The following ARHGAP44 variants were observed in gnomAD, a reference collection of about 807,000 sequenced individuals.
The protein encoded by ARHGAP44 is Rho GTPase activating protein 44.
ARHGAP44 carries 43 observed loss-of-function variants against 106.8 expected under a neutral mutation model. That is an observed-to-expected ratio of 0.40 (90% confidence interval 0.32 to 0.52). ARHGAP44 has a LOEUF of 0.52. ARHGAP44 is among the 20% of genes least tolerant of loss of function. ARHGAP44 has a pLI of 0.48. For synonymous variants in ARHGAP44, 439 were observed against 410.3 expected (o/e 1.07, Z -0.85); for missense variants, 866 against 1,050.5 (o/e 0.82, Z 2.43).
At chr17:12,899,031 C>T (rs988186256) in intron 3 of ARHGAP44, among the ~76,000 whole-genome samples, 10 of 151,938 alleles carry the variant, frequency 6.6e-5, no homozygotes, top group Non-Finnish European at 1.3e-4. Context: ...AGTGCAGTGG[C>T]GCAATCTCGG....
intron 1 of ARHGAP44, among the ~76,000 whole-genome samples, chr17:12,814,868 G>C (rs1337966892): frequency 6.6e-6 from 1 of 151,816 alleles, no homozygotes; most frequent in African/African-American, 2.4e-5. Flanking sequence ...CCCCAAAAAA[G>C]CAAAAACCCT....
intron 1 of ARHGAP44, among the ~76,000 whole-genome samples, chr17:12,824,850 T>C (rs2034873879): frequency 6.6e-6 from 1 of 151,796 alleles, no homozygotes; most frequent in Non-Finnish European, 1.5e-5. Context: ...CTGACCACTT[T>C]TATCTACTCA....
chr17:12,835,994 C>T lies in ARHGAP44; in HGVS notation c.53+46103C>T, dbSNP rs115833087. On this transcript the variant is annotated intron_variant, in intron 1 of 20. Coordinates refer to ENST00000379672, the MANE Select transcript of ARHGAP44 (RefSeq NM_014859.6). ...GGCAGGATTTCCTTCTTTGTAAAGG[C>T]GGAATAGTATTCCATTGTATGTATA... Among the ~76,000 whole-genome samples the T allele has an allele frequency of 4.0e-3, 607 of 152,292 alleles. 7 individuals are homozygous for T. The highest frequency in any genetic ancestry group is 0.014 in the African/African-American group (583 of 41,570).
intron 17 of ARHGAP44, chr17:12,973,729 G>A (rs1401023962): frequency 2.0e-6 from 1 of 492,180 alleles, no homozygotes; most frequent in Non-Finnish European, 3.6e-6. Flanking sequence ...GCCACACACC[G>A]CTGTGAGGAA....
At chr17:12,881,001 A>G (rs2036721196) in intron 1 of ARHGAP44, among the ~76,000 whole-genome samples, 1 of 152,106 alleles carries the variant, frequency 6.6e-6, no homozygotes, top group Admixed American at 6.6e-5. Context: ...AAGTTGACCA[A>G]GCTTTTATAT....
At position 12,903,140 on chromosome 17, in the gene ARHGAP44, A is replaced by AGTGTGTGTGT. The variant is rs546197652; in HGVS notation, c.199-5720_199-5711dup. 4.4e-3 allele frequency among the ~76,000 whole-genome samples: 254 copies of AGTGTGTGTGT among 57,604 alleles called. 4 individuals are homozygous for AGTGTGTGTGT. Among genetic ancestry groups the AGTGTGTGTGT allele is most frequent in the Admixed American group, 9.9e-3 (39 of 3,922 alleles). 37.8% of individuals were successfully genotyped at this position (57,604 alleles called of 152,430 possible). On this transcript the variant is annotated intron_variant, in intron 3 of 20. Coordinates refer to ENST00000379672, the MANE Select transcript of ARHGAP44 (RefSeq NM_014859.6). ...AGAGAGAGAGAGGAGAGAGAGAGAGAGTGTGTGTGTGTGTGTGTGTGTGTG... is the reference window on the plus strand; with the variant it reads ...AGAGAGAGAGAGGAGAGAGAGAGAGAGTGTGTGTGTGTGTGTGTGTGTGTGTGTGTGTGTG...
At chr17:12,951,360 A>G (rs909862351) in intron 12 of ARHGAP44, among the ~76,000 whole-genome samples, 6 of 152,296 alleles carry the variant, frequency 3.9e-5, no homozygotes, top group Non-Finnish European at 5.9e-5. Context: ...CAGAAGGGGA[A>G]CTTGAATCCA....
chr17:12,819,851 C>G (rs959782915), intron 1 of ARHGAP44, among the ~76,000 whole-genome samples: 2 of 151,904 alleles, frequency 1.3e-5, no homozygotes, highest in Non-Finnish European at 2.9e-5. Context: ...CAATGCTGCC[C>G]CCTCATTGTT....
At chr17:12,837,114 A>G (rs911995286) in intron 1 of ARHGAP44, among the ~76,000 whole-genome samples, 5 of 152,264 alleles carry the variant, frequency 3.3e-5, no homozygotes, top group African/African-American at 9.6e-5. Flanking sequence ...AATCTGTAAC[A>G]GAAAGATAAC....
intron 7 of ARHGAP44, among the ~76,000 whole-genome samples, chr17:12,930,239 C>T (rs2038359108): frequency 6.8e-6 from 1 of 146,748 alleles, no homozygotes; most frequent in African/African-American, 2.5e-5. Flanking sequence ...CTCTCTCTCT[C>T]TTTTTTTTTT....
At chr17:12,814,629 G>A (rs774347745) in intron 1 of ARHGAP44, among the ~76,000 whole-genome samples, 2 of 152,044 alleles carry the variant, frequency 1.3e-5, no homozygotes, top group East Asian at 1.9e-4. Context: ...AGACAAGCAA[G>A]TTCATATATT....
intron 7 of ARHGAP44, among the ~76,000 whole-genome samples, chr17:12,938,939 G>A (rs192742707): frequency 0.045 from 6,838 of 152,222 alleles, 249 homozygotes; most frequent in Admixed American, 0.09. Context: ...CACAGATGCC[G>A]AGATGTTGAA....
chr17:12,868,646 A>G, intron 1 of ARHGAP44, among the ~76,000 whole-genome samples: 1 of 136,238 alleles, frequency 7.3e-6, no homozygotes, highest in Non-Finnish European at 1.6e-5. Flanking sequence ...ATGTGTATAT[A>G]TTTTATTTAT....
At position 12,789,797 on chromosome 17, in the gene ARHGAP44, G is replaced by T. The variant is rs1462557714; in HGVS notation, c.-42G>T. The T allele has an allele frequency of 1.3e-6, 2 of 1,486,782 alleles. No individual in the cohort carries two copies. Among genetic ancestry groups the T allele is most frequent in the Non-Finnish European group, 1.8e-6 (2 of 1,119,374 alleles). 92.1% of individuals were successfully genotyped at this position (1,486,782 alleles called of 1,614,324 possible). A position where few individuals can be genotyped will look rare whatever the true frequency, so the allele number is the denominator to read the frequency against. ...CCTGCGGCGGGCTCCGGGCTGCTCC[G>T]TCCTTCCCCAGCTCCCGGGCTAGCG... On this transcript the variant is annotated 5_prime_UTR_variant, in exon 1 of 21. Coordinates refer to ENST00000379672, the MANE Select transcript of ARHGAP44 (RefSeq NM_014859.6).
intron 1 of ARHGAP44, among the ~76,000 whole-genome samples, chr17:12,863,691 T>A (rs1343869734): frequency 1.3e-5 from 2 of 152,206 alleles, no homozygotes; most frequent in Non-Finnish European, 1.5e-5. Context: ...TCCATGTCCC[T>A]GATTTCTTCT....
chr17:12,825,106 G>A (rs950828749), intron 1 of ARHGAP44, among the ~76,000 whole-genome samples: 1 of 152,024 alleles, frequency 6.6e-6, no homozygotes, highest in Non-Finnish European at 1.5e-5. Context: ...CATGATCACA[G>A]CTCTCTATAG....
Position 12,825,917 on chromosome 17 carries a change from C to T in ARHGAP44, c.53+36026C>T, listed in dbSNP as rs563043253. 4.6e-5 allele frequency among the ~76,000 whole-genome samples: 7 copies of T among 152,284 alleles called. No individual in the cohort carries two copies. The South Asian group carries it at 8.3e-4, about 18-fold the overall frequency. On this transcript the variant is annotated intron_variant, in intron 1 of 20. Coordinates refer to ENST00000379672, the MANE Select transcript of ARHGAP44 (RefSeq NM_014859.6). ...TTTGAGAGCGTTAACTTTCTACTTT[C>T]CACCTGTAGCCAATGCCAGTGAGTG...
At chr17:12,833,783 C>T (rs1210552588) in intron 1 of ARHGAP44, among the ~76,000 whole-genome samples, 2 of 152,094 alleles carry the variant, frequency 1.3e-5, no homozygotes, top group East Asian at 1.9e-4. Flanking sequence ...TGGAAGCAGG[C>T]GCTTCCACGC....
At chr17:12,920,028 T>G (rs1448095084) in intron 6 of ARHGAP44, among the ~76,000 whole-genome samples, 197 bp downstream of exon 6, 1 of 152,058 alleles carries the variant, frequency 6.6e-6, no homozygotes. Flanking sequence ...AGTTGAGTTT[T>G]GGAGGTAGAC....
Sources: allele counts gnomAD v4.1 joint callset (sites outside exome capture counted in the v4.1 genomes callset), GRCh38; gene constraint gnomAD v4.1.1; transcripts MANE v1.5; gene names NCBI Gene and HGNC (gene_info 2026-07-23, HGNC 2026-07-21).